Variants in KAZN observed in about 807,000 individuals in gnomAD.
KAZN encodes the protein kazrin, periplakin interacting protein.
KAZN carries 40 observed loss-of-function variants against 87.4 expected under a neutral mutation model. The observed-to-expected ratio is 0.46, with a 90% CI of 0.36 to 0.60. KAZN has a LOEUF of 0.60. Ranked by LOEUF, KAZN falls within the 20% of genes least tolerant of loss-of-function variation. The pLI is 0.00. For synonymous variants in KAZN, 466 were observed against 458.3 expected (o/e 1.02, Z -0.22); for missense variants, 898 against 1,073.9 (o/e 0.84, Z 2.29).
At chr1:14,397,762 G>A (rs556713053) in intron 2 of KAZN, among the ~76,000 whole-genome samples, 1 of 150,662 alleles carries the variant, frequency 6.6e-6, no homozygotes, top group East Asian at 2.0e-4. Context: ...TTGGGAGGCT[G>A]AGATAGGAGA....
At chr1:14,545,431 C>A (rs552158599) in intron 2 of KAZN, among the ~76,000 whole-genome samples, 2 of 152,146 alleles carry the variant, frequency 1.3e-5, no homozygotes, top group Non-Finnish European at 2.9e-5. Context: ...ACCACATGCC[C>A]GCTCCATGAC....
intron 1 of KAZN, among the ~76,000 whole-genome samples, chr1:14,081,144 C>T (rs72641651): frequency 1.7e-3 from 258 of 151,958 alleles, no homozygotes; most frequent in Non-Finnish European, 3.0e-3. Flanking sequence ...AAAACCTCAT[C>T]CTTCTTCAAA....
intron 2 of KAZN, among the ~76,000 whole-genome samples, chr1:14,976,031 CAAAAAA>C (rs1162988294): frequency 0.27 from 23,296 of 86,510 alleles, 2,183 homozygotes; most frequent in Middle Eastern, 0.35. Flanking sequence ...GACTCCGTCT[CAAAAAA>C]AAAAAAAAAA....
At chr1:14,400,152 G>C (rs773424815) in intron 2 of KAZN, among the ~76,000 whole-genome samples, 2 of 152,060 alleles carry the variant, frequency 1.3e-5, no homozygotes, top group African/African-American at 2.4e-5. Context: ...GGACAGGGAC[G>C]GAATGTTTAG....
At chr1:15,112,348 TG>T in intron 13 of KAZN, 78 bp from the exon 14 acceptor site, 1 of 702,642 alleles carries the variant, frequency 1.4e-6, no homozygotes, top group Non-Finnish European at 2.6e-6. Context: ...TGTGTGTGTG[TG>T]TGTGTGTGTG....
chr1:14,887,772 G>A (rs752719150), intron 1 of KAZN, among the ~76,000 whole-genome samples: 9 of 151,146 alleles, frequency 6.0e-5, no homozygotes, highest in Admixed American at 2.0e-4. Context: ...ATGAGCTTTC[G>A]GGCCTAATTA....
intron 2 of KAZN, among the ~76,000 whole-genome samples, chr1:14,488,212 A>G (rs920664472): frequency 6.6e-6 from 1 of 152,154 alleles, no homozygotes; most frequent in East Asian, 1.9e-4. Flanking sequence ...CATTTGGCAC[A>G]CCTTCAATAC....
intron 1 of KAZN, among the ~76,000 whole-genome samples, chr1:14,076,943 TC>T (rs776921819): frequency 1.8e-4 from 28 of 152,264 alleles, no homozygotes; most frequent in Admixed American, 2.6e-4. Flanking sequence ...AGGAGGACTG[TC>T]GCTTGCCCTG....
intron 2 of KAZN, among the ~76,000 whole-genome samples, chr1:14,992,026 T>TGTG (rs1283488739): frequency 2.6e-5 from 4 of 152,212 alleles, no homozygotes; most frequent in African/African-American, 9.7e-5. Flanking sequence ...GCCTGGTGTC[T>TGTG]GTGGCTTTTA....
intron 1 of KAZN, among the ~76,000 whole-genome samples, chr1:14,804,950 T>C (rs1022213727): frequency 2.0e-5 from 3 of 152,174 alleles, no homozygotes; most frequent in South Asian, 2.1e-4. Context: ...GCCATGTTCA[T>C]TTTGTTGACA....
rs548365140 is a variant in KAZN at position 14,135,133 on chromosome 1, A to G, written c.92-45302A>G. Among the ~76,000 whole-genome samples the G allele has an allele frequency of 4.6e-5, 7 of 152,238 alleles. No individual in the cohort carries two copies. In the South Asian group the frequency reaches 1.0e-3, roughly 23 times the overall value. On this transcript the variant is annotated intron_variant, in intron 1 of 16. Transcript: ENST00000636203. Reference sequence around the variant, plus strand: ...TACTTTTGCACCAACCTGCAACCTGATTGGTAGGATTGTATGTTCTTTGTT... The same window carrying G: ...TACTTTTGCACCAACCTGCAACCTGGTTGGTAGGATTGTATGTTCTTTGTT...
intron 1 of KAZN, among the ~76,000 whole-genome samples, chr1:14,170,178 A>T (rs907641362): frequency 6.6e-6 from 1 of 152,146 alleles, no homozygotes; most frequent in African/African-American, 2.4e-5. Flanking sequence ...AGCCCAATTC[A>T]GGCACCACGT....
At chr1:13,909,871 G>C (rs370649382) in intron 1 of KAZN, among the ~76,000 whole-genome samples, 347 of 152,264 alleles carry the variant, frequency 2.3e-3, no homozygotes, top group African/African-American at 8.0e-3. Flanking sequence ...CCTCTTCTTG[G>C]CTGGCTTCAG....
chr1:14,417,079 C>G (rs371630181), intron 2 of KAZN, among the ~76,000 whole-genome samples: 2 of 151,164 alleles, frequency 1.3e-5, no homozygotes, highest in Non-Finnish European at 2.9e-5. Flanking sequence ...GTGGTCCCAG[C>G]TACTCAGGAG....
At chr1:14,990,505 T>G (rs1275957496) in intron 2 of KAZN, among the ~76,000 whole-genome samples, 1 of 152,214 alleles carries the variant, frequency 6.6e-6, no homozygotes, top group Non-Finnish European at 1.5e-5. Context: ...ATGACGGGCA[T>G]GAGCCACCGC....
intron 2 of KAZN, among the ~76,000 whole-genome samples, chr1:14,343,266 T>G (rs1357063231): frequency 2.0e-5 from 3 of 152,310 alleles, no homozygotes; most frequent in African/African-American, 7.2e-5. Flanking sequence ...GCATTGATAG[T>G]TGAGGGTGGG....
chr1:15,094,680 C>T lies in KAZN; in HGVS notation c.1429-135C>T, dbSNP rs1176224918. On this transcript the variant is annotated intron_variant, in intron 9 of 14. Coordinates refer to ENST00000376030, the MANE Select transcript of KAZN (RefSeq NM_201628.3). This position sits in a 1 kb window ranked among gnomAD's most constrained non-coding sequence, Gnocchi z 4.5. ...CCCACATCAGAGTTGCAGAGGTTTC[C>T]ATGTGCCCTGACCCCACTGTATGAA... is the stretch of plus-strand genomic sequence containing the variant. The T allele has an allele frequency of 1.5e-6, 1 of 672,796 alleles. No homozygotes were observed. The highest frequency in any genetic ancestry group is 2.7e-5 in the East Asian group (1 of 36,554). The allele number at this position is 672,796 out of a possible 1,614,324, so 41.7% of individuals were successfully genotyped here.
intron 6 of KAZN, chr1:15,063,332 G>C: frequency 1.8e-6 from 1 of 548,770 alleles, no homozygotes; most frequent in Non-Finnish European, 3.3e-6. Flanking sequence ...GCTGGGGGTT[G>C]AGAGGCCAGA....
intron 3 of KAZN, among the ~76,000 whole-genome samples, chr1:15,040,971 G>C (rs1201278603): frequency 6.6e-6 from 1 of 151,580 alleles, no homozygotes; most frequent in African/African-American, 2.4e-5. Flanking sequence ...TTTTTTTTGA[G>C]ATGGAGTTTC....
Sources: gnomAD v4.1 joint callset for allele counts (sites outside exome capture counted in the v4.1 genomes callset) on GRCh38, gnomAD v4.1.1 for gene constraint, Gnocchi (gnomAD v3.1) non-coding constraint, MANE v1.5 for transcripts, NCBI Gene and HGNC (gene_info 2026-07-23, HGNC 2026-07-21) for gene names.